Variants in CNOT1 observed in about 807,000 individuals in gnomAD.
CNOT1 encodes the protein CCR4-associated factor 1.
A neutral mutation model predicts 273.8 loss-of-function variants in CNOT1; 15 were observed. The ratio of observed to expected loss-of-function variants is 0.05; its 90% CI spans 0.04 to 0.08. The LOEUF is 0.08. CNOT1 is among the 10% of genes least tolerant of loss of function. CNOT1 has a pLI of 1.00. For synonymous variants in CNOT1, 1,022 were observed against 1,005.5 expected (o/e 1.02, Z -0.31); for missense variants, 1,644 against 2,912.2 (o/e 0.56, Z 10.02).
chr16:58,629,261 G>A (rs1398960311), intron 1 of CNOT1, among the ~76,000 whole-genome samples: 1 of 152,168 alleles, frequency 6.6e-6, no homozygotes, highest in African/African-American at 2.4e-5. Flanking sequence ...CTCCAAACAC[G>A]GTCCCCCCCG....
rs2039522244 is a variant in CNOT1, at chr16:58,524,584, A to G, written c.6784+595T>C. Among the ~76,000 whole-genome samples the G allele has an allele frequency of 3.9e-5, 6 of 152,170 alleles. No homozygotes were observed. In the South Asian group the frequency reaches 1.2e-3, roughly 31 times the overall value. On this transcript the variant is annotated intron_variant, in intron 46 of 48. Transcript: ENST00000317147. ...ACATCAATTCATCTCTCAAGAATCA[A>G]TAGCAAAGTTAAAGAGTAGTGTCCC...
chr16:58,622,022 A>G (rs923711095), intron 1 of CNOT1, among the ~76,000 whole-genome samples: 2 of 148,338 alleles, frequency 1.3e-5, no homozygotes, highest in African/African-American at 5.0e-5. Flanking sequence ...CAATTGTAAG[A>G]AATGTACAGG....
intron 1 of CNOT1, among the ~76,000 whole-genome samples, chr16:58,617,004 T>C (rs1254603955): frequency 6.6e-6 from 1 of 152,150 alleles, no homozygotes; most frequent in African/African-American, 2.4e-5. Flanking sequence ...TCCAAAAGCA[T>C]TTTGAAATGT....
chr16:58,581,334 C>T lies in CNOT1; in HGVS notation c.1215+11G>A, dbSNP rs1221071193. 2 of 1,599,124 alleles carry T rather than the reference C, an allele frequency of 1.3e-6. No individual in the cohort carries two copies. The highest frequency in any genetic ancestry group is 3.5e-5 in the Admixed American group (2 of 56,652). On this transcript the variant is annotated intron_variant, in intron 11 of 48. Coordinates refer to ENST00000317147, the MANE Select transcript of CNOT1 (RefSeq NM_016284.5). ...TATTCCCCCATCTATAGCTAAATACCACTTACTCACCTGGCCTTCAGCATG... is the reference window on the plus strand; with the variant it reads ...TATTCCCCCATCTATAGCTAAATACTACTTACTCACCTGGCCTTCAGCATG...
chr16:58,560,077 C>G, intron 17 of CNOT1, 135 bp downstream of exon 17: 1 of 1,518,746 alleles, frequency 6.6e-7, no homozygotes, highest in Admixed American at 2.2e-5. Flanking sequence ...TACATATCTC[C>G]TTTAAAATAA....
At chr16:58,543,399 G>C in intron 31 of CNOT1, 1 of 1,498,186 alleles carries the variant, frequency 6.7e-7, no homozygotes, top group Non-Finnish European at 8.9e-7. Context: ...ACATCGTGTT[G>C]AGAATATAAC....
chr16:58,579,173 C>G (rs973724258), intron 12 of CNOT1, among the ~76,000 whole-genome samples: 4 of 152,018 alleles, frequency 2.6e-5, no homozygotes, highest in Non-Finnish European at 4.4e-5. Context: ...CCATGAAAAC[C>G]ATGGGGATAG....
chr16:58,600,687 T>C (rs1023276599), intron 1 of CNOT1, among the ~76,000 whole-genome samples: 2 of 152,220 alleles, frequency 1.3e-5, no homozygotes, highest in African/African-American at 4.8e-5. Flanking sequence ...TTGCTGAAAC[T>C]GTTCCCTGGG....
chr16:58,568,238 C>CAT (rs2151953959), intron 16 of CNOT1, among the ~76,000 whole-genome samples: 1 of 152,198 alleles, frequency 6.6e-6, no homozygotes, highest in South Asian at 2.1e-4. Context: ...CGTAATGGTG[C>CAT]ATGCCTGTAA....
intron 34 of CNOT1, 63 bp downstream of exon 34, chr16:58,541,438 T>A (rs118112947): frequency 0.029 from 45,482 of 1,580,838 alleles, 808 homozygotes; most frequent in South Asian, 0.045. Context: ...AAAACATATA[T>A]TAAATGTCAA....
chr16:58,594,448 G>C (rs2042177237), intron 2 of CNOT1, among the ~76,000 whole-genome samples: 3 of 152,212 alleles, frequency 2.0e-5, no homozygotes, highest in Admixed American at 2.0e-4. Context: ...TCTGAAATTA[G>C]ATAGTGGTTA....
At chr16:58,559,588 C>G (rs2040760103) in intron 17 of CNOT1, among the ~76,000 whole-genome samples, 1 of 152,186 alleles carries the variant, frequency 6.6e-6, no homozygotes, top group Non-Finnish European at 1.5e-5. Context: ...AACTGCACTT[C>G]CAGGCTTAAG....
At chr16:58,568,413 C>T (rs143187270) in intron 16 of CNOT1, among the ~76,000 whole-genome samples, 1 of 150,900 alleles carries the variant, frequency 6.6e-6, no homozygotes, top group African/African-American at 2.4e-5. Flanking sequence ...GAGCCGGGTG[C>T]AGTGGCTCAA....
At chr16:58,556,020 A>G (rs757530293) in intron 19 of CNOT1, 112 bp from the exon 20 acceptor site, 5 of 1,504,056 alleles carry the variant, frequency 3.3e-6, no homozygotes, top group Admixed American at 2.3e-5. Context: ...AAATATAAAA[A>G]AACTGGAAAA....
chr16:58,527,372 A>C (rs922556925), intron 44 of CNOT1, among the ~76,000 whole-genome samples: 4 of 151,450 alleles, frequency 2.6e-5, no homozygotes, highest in East Asian at 3.9e-4. Context: ...AATACAAAAA[A>C]AAAAATTAGC....
intron 28 of CNOT1, 52 bp from the exon 29 acceptor site, chr16:58,546,550 A>C: frequency 6.2e-7 from 1 of 1,601,668 alleles, no homozygotes; most frequent in Non-Finnish European, 8.5e-7. Context: ...CTTTAGTTTT[A>C]CTCATAATAT....
chr16:58,530,262 A>G lies in CNOT1; in HGVS notation c.6263T>C (p.Met2088Thr), dbSNP rs2039737475. 2 of 1,606,820 alleles carry G rather than the reference A, an allele frequency of 1.2e-6. No homozygotes were observed. The highest frequency in any genetic ancestry group is 1.7e-6 in the Non-Finnish European group (2 of 1,175,206). ...FLRNVELTKP[M>T]QILYKGTLRV... ...GTTAATTACCTTGTAGAGGATTTGC[A>G]TAGGTTTGGTGAGTTCCACATTTCT... Residue 2088 changes from methionine (M) to threonine (T), a missense_variant, in exon 43 of 49, where the codon ATG becomes ACG. Met to Thr is a moderately conservative substitution (Grantham distance 81). This residue lies in a region of CNOT1 where 25 missense variants were observed against 31.2 expected (regional missense o/e 0.80). Transcript: ENST00000317147.
intron 1 of CNOT1, among the ~76,000 whole-genome samples, chr16:58,600,200 T>C (rs2042411390): frequency 6.6e-6 from 1 of 152,066 alleles, no homozygotes; most frequent in African/African-American, 2.4e-5. Flanking sequence ...CAAAAAAATT[T>C]GGCCAGGCAT....
intron 3 of CNOT1, 34 bp from the exon 4 acceptor site, chr16:58,587,912 AATC>A (rs1184171444): frequency 1.5e-5 from 24 of 1,582,476 alleles, no homozygotes; most frequent in Non-Finnish European, 2.0e-5. Context: ...CATTAGCACT[AATC>A]ATCATCTAAG....
Sources: allele counts gnomAD v4.1 joint callset (sites outside exome capture counted in the v4.1 genomes callset), GRCh38; gene constraint gnomAD v4.1.1; regional missense constraint gnomAD v4.1.1; transcripts MANE v1.5; gene names NCBI Gene and HGNC (gene_info 2026-07-23, HGNC 2026-07-21).